NPAS3: variants seen among roughly 807,000 people sequenced by gnomAD.
NPAS3 encodes the protein neuronal PAS domain-containing protein 3.
A neutral mutation model predicts 73.1 loss-of-function variants in NPAS3; 14 were observed. The observed-to-expected ratio is 0.19, with a 90% CI of 0.13 to 0.30. NPAS3 has a LOEUF of 0.30. Among genes scored for constraint, NPAS3 ranks in the 10% least tolerant of loss-of-function variants. The pLI is 1.00. For missense variants in NPAS3, 1,096 were observed against 1,250.0 expected, an observed-to-expected ratio of 0.88 and a Z score of 1.86; for synonymous variants, 620 against 541.5, an observed-to-expected ratio of 1.14 and a Z score of -2.01.
chr14:33,562,499 T>A (rs940821432), intron 5 of NPAS3, among the ~76,000 whole-genome samples: 1 of 152,186 alleles, frequency 6.6e-6, no homozygotes, highest in African/African-American at 2.4e-5. Flanking sequence ...GGGCCTTCAT[T>A]TGGCAGCACT....
intron 3 of NPAS3, among the ~76,000 whole-genome samples, chr14:33,285,954 C>A (rs1279773738): frequency 2.0e-5 from 3 of 152,156 alleles, no homozygotes; most frequent in African/African-American, 7.2e-5. Context: ...CTTCCCCATC[C>A]CAACCTATCC....
At chr14:33,421,207 C>T (rs1373336464) in intron 4 of NPAS3, among the ~76,000 whole-genome samples, 3 of 151,324 alleles carry the variant, frequency 2.0e-5, no homozygotes, top group South Asian at 2.1e-4. Flanking sequence ...TGAAGTTGTC[C>T]GTACTGTGAC....
intron 6 of NPAS3, among the ~76,000 whole-genome samples, chr14:33,701,716 G>A (rs1359528282): frequency 6.6e-6 from 1 of 152,184 alleles, no homozygotes; most frequent in Non-Finnish European, 1.5e-5. Context: ...TTAAAGGCCT[G>A]TTCCTTCACT....
chr14:33,247,243 A>AT (rs1311890051), intron 3 of NPAS3, among the ~76,000 whole-genome samples: 1 of 152,042 alleles, frequency 6.6e-6, no homozygotes, highest in Admixed American at 6.6e-5. Context: ...TTTAATTTTA[A>AT]TTTTTTTAGC....
At chr14:33,791,358 T>A (rs2063354191) in intron 9 of NPAS3, among the ~76,000 whole-genome samples, 1 of 152,148 alleles carries the variant, frequency 6.6e-6, no homozygotes, top group African/African-American at 2.4e-5. Context: ...TTAGCTCTCC[T>A]CTCTTGCTAG....
At position 33,367,314 on chromosome 14, in the gene NPAS3, A is replaced by T. The variant is rs747202256; in HGVS notation, c.468+46A>T. On this transcript the variant is annotated intron_variant, in intron 4 of 11. Coordinates refer to ENST00000356141, the Ensembl canonical transcript of NPAS3. Reference sequence around the variant, plus strand: ...AGCTTTCTTATATTTTACTAAGAAAAAACCATATGTTTAGTCTTTTTTTTA... The same window carrying T: ...AGCTTTCTTATATTTTACTAAGAAATAACCATATGTTTAGTCTTTTTTTTA... 5.0e-6 allele frequency: 4 copies of T among 799,658 alleles called. No homozygotes were observed. The African/African-American group carries it at 7.0e-5, about 14-fold the overall frequency. 49.5% of individuals were successfully genotyped at this position (799,658 alleles called of 1,614,324 possible).
intron 1 of NPAS3, among the ~76,000 whole-genome samples, chr14:32,964,160 T>TAAAAAAAAAAAAAAAAAAAAAAA (rs34380538): frequency 1.3e-5 from 1 of 75,444 alleles, no homozygotes; most frequent in Non-Finnish European, 2.3e-5. Flanking sequence ...TTTGCTGCAC[T>TAAAAAAAAAAAAAAAAAAAAAAA]AAAAAAAAAA....
chr14:33,291,827 A>T (rs1489869780), intron 3 of NPAS3, among the ~76,000 whole-genome samples: 1 of 152,234 alleles, frequency 6.6e-6, no homozygotes, highest in East Asian at 1.9e-4. Context: ...GTATTACGGA[A>T]TAACGGTACT....
rs1020241542 is a variant in NPAS3, at chr14:33,200,824, A to C, written c.141-14358A>C. Among the ~76,000 whole-genome samples the C allele has an allele frequency of 3.9e-5, 6 of 152,170 alleles. No individual in the cohort carries two copies. In the East Asian group the frequency reaches 1.2e-3, roughly 29 times the overall value. ...TGCTTTCCAGTTTTCCACAGGACCC[A>C]CTATTCCCTGTTACTATTCAGCAGT... On this transcript the variant is annotated intron_variant, in intron 2 of 11. Coordinates refer to ENST00000356141, the Ensembl canonical transcript of NPAS3.
At chr14:33,574,064 G>A (rs2056337903) in intron 5 of NPAS3, among the ~76,000 whole-genome samples, 1 of 152,190 alleles carries the variant, frequency 6.6e-6, no homozygotes, top group Non-Finnish European at 1.5e-5. Context: ...ACAGACTTCA[G>A]AGCTCAAGAG....
At chr14:33,185,442 C>T (rs1040960807) in intron 2 of NPAS3, among the ~76,000 whole-genome samples, 1 of 152,112 alleles carries the variant, frequency 6.6e-6, no homozygotes, top group Non-Finnish European at 1.5e-5. Context: ...GGTACACTTA[C>T]CACATAATGA....
At position 32,967,773 on chromosome 14, in the gene NPAS3, G is replaced by GC. The variant is rs553602936; in HGVS notation, c.50+28407_50+28408insC. ...CAGCCATTATGGACAACAGCATGTG[G>GC]GGGGGGGTCCTAAAAAATAAAAAAC... On this transcript the variant is annotated intron_variant, in intron 1 of 11. Coordinates refer to ENST00000356141, the Ensembl canonical transcript of NPAS3. Among the ~76,000 whole-genome samples the GC allele has an allele frequency of 4.2e-3, 627 of 150,842 alleles. 2 individuals are homozygous for GC. Among genetic ancestry groups the GC allele is most frequent in the African/African-American group, 0.015 (603 of 41,044 alleles).
intron 1 of NPAS3, among the ~76,000 whole-genome samples, chr14:33,043,137 C>T (rs1487296755): frequency 1.3e-5 from 2 of 152,158 alleles, no homozygotes; most frequent in Non-Finnish European, 2.9e-5. Flanking sequence ...TACTGAAGCT[C>T]TCCTATTTGT....
At chr14:33,783,067 AT>A (rs1054268235) in intron 9 of NPAS3, among the ~76,000 whole-genome samples, 14 of 151,820 alleles carry the variant, frequency 9.2e-5, no homozygotes, top group Admixed American at 5.9e-4. Flanking sequence ...TTCCCAGCTC[AT>A]TTTTTTCCAC....
chr14:33,128,164 T>C (rs929487224), intron 2 of NPAS3, among the ~76,000 whole-genome samples: 21 of 152,114 alleles, frequency 1.4e-4, no homozygotes, highest in African/African-American at 5.1e-4. Flanking sequence ...TAAATCCCAG[T>C]GGTACTGTTT....
chr14:33,380,296 C>G (rs571666358), intron 4 of NPAS3, among the ~76,000 whole-genome samples: 5 of 151,874 alleles, frequency 3.3e-5, no homozygotes, highest in Non-Finnish European at 7.4e-5. Context: ...ACACAGAAAA[C>G]CAAGACCTGT....
At chr14:33,609,624 G>T (rs891812450) in intron 5 of NPAS3, among the ~76,000 whole-genome samples, 1 of 151,868 alleles carries the variant, frequency 6.6e-6, no homozygotes, top group African/African-American at 2.4e-5. Flanking sequence ...TAACATTAAT[G>T]GGAGTTATAA....
At chr14:33,549,233 T>G (rs2054992373) in intron 4 of NPAS3, among the ~76,000 whole-genome samples, 1 of 152,190 alleles carries the variant, frequency 6.6e-6, no homozygotes, top group Non-Finnish European at 1.5e-5. Flanking sequence ...TTTGAGCACC[T>G]ATTTTATTTT....
intron 3 of NPAS3, among the ~76,000 whole-genome samples, chr14:33,253,890 A>G (rs1321276386): frequency 2.0e-5 from 3 of 151,998 alleles, no homozygotes; most frequent in African/African-American, 4.8e-5. Context: ...CTCAAATTCA[A>G]AAGGTTGGAT....
Sources: allele counts gnomAD v4.1 joint callset (sites outside exome capture counted in the v4.1 genomes callset), GRCh38; gene constraint gnomAD v4.1.1; transcripts MANE v1.5; gene names NCBI Gene and HGNC (gene_info 2026-07-23, HGNC 2026-07-21).